Variants in EML5 observed in about 807,000 individuals in gnomAD.
The protein encoded by EML5 is EMAP like 5.
A neutral mutation model predicts 250.0 loss-of-function variants in EML5; 120 were observed. That is an observed-to-expected ratio of 0.48 (90% CI 0.41 to 0.56). EML5 has a LOEUF of 0.56. EML5 is among the 20% of genes least tolerant of loss of function. The probability of loss-of-function intolerance (pLI) is 0.00; values close to 1 mark genes in which losing one functional copy is unlikely to be tolerated. For synonymous variants in EML5, 771 were observed against 806.5 expected (o/e 0.96, Z 0.75); for missense variants, 2,006 against 2,437.6 (o/e 0.82, Z 3.73).
intron 7 of EML5, among the ~76,000 whole-genome samples, chr14:88,727,816 T>C (rs994462329): frequency 2.0e-5 from 3 of 152,180 alleles, no homozygotes; most frequent in African/African-American, 7.2e-5. Context: ...TATATCCTTA[T>C]GTACATACAG....
chr14:88,714,387 A>C (rs1397775485), intron 9 of EML5, among the ~76,000 whole-genome samples: 1 of 152,196 alleles, frequency 6.6e-6, no homozygotes, highest in Non-Finnish European at 1.5e-5. Context: ...TGGGAGAGGT[A>C]GAGGTTGGTG....
intron 1 of EML5, among the ~76,000 whole-genome samples, chr14:88,765,727 A>G (rs2094311895): frequency 6.6e-6 from 1 of 152,174 alleles, no homozygotes; most frequent in Admixed American, 6.5e-5. Context: ...TACCATGCAG[A>G]CTCAGAAATT....
At chr14:88,676,550 C>T (rs1432495793) in intron 21 of EML5, among the ~76,000 whole-genome samples, 1 of 152,170 alleles carries the variant, frequency 6.6e-6, no homozygotes, top group Non-Finnish European at 1.5e-5. Flanking sequence ...CAAACTATAT[C>T]ACTGCTCAAG....
intron 1 of EML5, among the ~76,000 whole-genome samples, chr14:88,764,942 G>T (rs899168711): frequency 2.6e-5 from 4 of 152,038 alleles, no homozygotes; most frequent in South Asian, 2.1e-4. Context: ...TTTGGTAAAC[G>T]TTTTGGCACT....
intron 28 of EML5, among the ~76,000 whole-genome samples, chr14:88,647,467 C>T (rs2091406378): frequency 6.6e-6 from 1 of 151,620 alleles, no homozygotes; most frequent in African/African-American, 2.4e-5. Context: ...GAGGCCAAAG[C>T]AAGAGGATTG....
intron 7 of EML5, among the ~76,000 whole-genome samples, chr14:88,731,808 T>C (rs2093762931): frequency 6.6e-6 from 1 of 152,230 alleles, no homozygotes; most frequent in Non-Finnish European, 1.5e-5. Context: ...TTTGCATTTC[T>C]CTGATGGCCA....
At chr14:88,750,945 C>T (rs1053871543) in intron 2 of EML5, among the ~76,000 whole-genome samples, 17 of 152,200 alleles carry the variant, frequency 1.1e-4, no homozygotes, top group African/African-American at 3.9e-4. Flanking sequence ...CACTGCTGTT[C>T]TTTCTACTAA....
At chr14:88,775,089 G>A (rs1029214620) in intron 1 of EML5, among the ~76,000 whole-genome samples, 1 of 152,110 alleles carries the variant, frequency 6.6e-6, no homozygotes, top group Non-Finnish European at 1.5e-5. Context: ...ATAGCCCTTG[G>A]GCCCTGAATA....
intron 7 of EML5, among the ~76,000 whole-genome samples, chr14:88,735,128 G>C (rs529453582): frequency 6.6e-6 from 1 of 152,224 alleles, no homozygotes; most frequent in South Asian, 2.1e-4. Context: ...TCCTAAATTT[G>C]ATCAGTGGTT....
At chr14:88,718,721 A>G (rs896664930) in intron 8 of EML5, among the ~76,000 whole-genome samples, 2 of 152,180 alleles carry the variant, frequency 1.3e-5, no homozygotes, top group African/African-American at 4.8e-5. Context: ...TTTATGAGAA[A>G]TACTCCTGTG....
chr14:88,764,676 G>C (rs1163394907), intron 1 of EML5, among the ~76,000 whole-genome samples: 1 of 152,082 alleles, frequency 6.6e-6, no homozygotes, highest in African/African-American at 2.4e-5. Context: ...ACTGACCTGA[G>C]ATTATTTTTC....
intron 9 of EML5, 142 bp downstream of exon 9, chr14:88,714,797 T>C: frequency 4.4e-6 from 3 of 688,064 alleles, no homozygotes; most frequent in East Asian, 2.7e-5. Context: ...TATTATATTG[T>C]AGAAAAGTCT....
At chr14:88,787,721 A>C (rs1595892388) in intron 1 of EML5, among the ~76,000 whole-genome samples, 1 of 152,238 alleles carries the variant, frequency 6.6e-6, no homozygotes, top group African/African-American at 2.4e-5. Flanking sequence ...TAATTGTTAC[A>C]TGGTCTATAA....
Position 88,792,645 on chromosome 14 carries a change from T to C in EML5, c.-142A>G, listed in dbSNP as rs1289489829. The C allele has an allele frequency of 8.7e-7, 1 of 1,151,102 alleles. No individual in the cohort carries two copies. The highest frequency in any genetic ancestry group is 1.1e-6 in the Non-Finnish European group (1 of 937,388). The allele number at this position is 1,151,102 out of a possible 1,614,324, so 71.3% of individuals were successfully genotyped here. ...CTAAGCCGCGCCCGTCAGGTGCATCTCGTTTCGGGGGCCGCCGCCGCCTCA... is the reference window on the plus strand; with the variant it reads ...CTAAGCCGCGCCCGTCAGGTGCATCCCGTTTCGGGGGCCGCCGCCGCCTCA... On this transcript the variant is annotated 5_prime_UTR_variant, in exon 1 of 44. Coordinates refer to ENST00000554922, the MANE Select transcript of EML5 (RefSeq NM_183387.3). The surrounding 1 kb of genome is among the most constrained non-coding windows in gnomAD (Gnocchi z 6.9).
intron 1 of EML5, among the ~76,000 whole-genome samples, chr14:88,762,743 T>C (rs1046752246): frequency 6.6e-6 from 1 of 152,180 alleles, no homozygotes; most frequent in African/African-American, 2.4e-5. Flanking sequence ...TATTCTATAA[T>C]TGACCACATA....
At chr14:88,725,985 T>C (rs554657892) in intron 8 of EML5, among the ~76,000 whole-genome samples, 4 of 152,336 alleles carry the variant, frequency 2.6e-5, no homozygotes, top group African/African-American at 9.6e-5. Context: ...CGTAAGTACT[T>C]ATCCTGTGGA....
Position 88,682,202 on chromosome 14 carries a change from C to T in EML5, c.2983-171G>A, listed in dbSNP as rs537698727. Among the ~76,000 whole-genome samples the T allele has an allele frequency of 2.0e-5, 3 of 152,110 alleles. No individual in the cohort carries two copies. The East Asian group carries it at 5.8e-4, about 29-fold the overall frequency. On this transcript the variant is annotated intron_variant, in intron 20 of 43. Transcript: ENST00000554922. Reference sequence around the variant, plus strand: ...TATCTTTGGGAAACACAATAAAATACCTCTGTAACAACTTTAGCTCCACAA... The same window carrying T: ...TATCTTTGGGAAACACAATAAAATATCTCTGTAACAACTTTAGCTCCACAA...
chr14:88,792,544 G>A lies in EML5; in HGVS notation c.-41C>T, dbSNP rs1301180600. The stretch of plus-strand genomic sequence containing the variant: ...CGCCGCTCCCGCTCGGGCCCGCGGC[G>A]GCGACGGGAGGCGGCGGCGGCCCGG... On this transcript the variant is annotated 5_prime_UTR_variant, in exon 1 of 44. Transcript: ENST00000554922. This position sits in a 1 kb window ranked among gnomAD's most constrained non-coding sequence, Gnocchi z 6.9. 7.3e-6 allele frequency: 9 copies of A among 1,228,492 alleles called. No homozygotes were observed. The allele number at this position is 1,228,492 out of a possible 1,614,324, so 76.1% of individuals were successfully genotyped here. A position where few individuals can be genotyped will look rare whatever the true frequency, so the allele number is the denominator to read the frequency against.
chr14:88,644,677 G>T (rs2091253009), intron 29 of EML5, 166 bp from the exon 30 acceptor site: 1 of 520,940 alleles, frequency 1.9e-6, no homozygotes, highest in Admixed American at 3.4e-5. Flanking sequence ...TCTAAAGCAG[G>T]AAGGTAGAAA....
Sources: allele counts gnomAD v4.1 joint callset (sites outside exome capture counted in the v4.1 genomes callset), GRCh38; gene constraint gnomAD v4.1.1; non-coding constraint Gnocchi (gnomAD v3.1); transcripts MANE v1.5; gene names NCBI Gene and HGNC (gene_info 2026-07-23, HGNC 2026-07-21).